Variants in ACOXL observed in about 807,000 individuals in gnomAD.
ACOXL encodes acyl-CoA oxidase like.
In ACOXL, 70 loss-of-function variants were observed where a neutral mutation model predicts 71.9. The observed-to-expected ratio is 0.97, with a 90% CI of 0.80 to 1.19. The LOEUF is 1.19. Among genes scored for constraint, ACOXL ranks in the 50% most tolerant of loss-of-function variants. ACOXL has a pLI of 0.00. For missense variants in ACOXL, 703 were observed against 736.3 expected (o/e 0.95, Z 0.52); for synonymous variants, 253 against 281.6 (o/e 0.90, Z 1.02).
chr2:111,027,407 C>T (rs962630664), intron 14 of ACOXL, among the ~76,000 whole-genome samples: 5 of 151,800 alleles, frequency 3.3e-5, no homozygotes, highest in African/African-American at 1.2e-4. Context: ...CTACAACCTC[C>T]ACCTCCTGTG....
intron 16 of ACOXL, among the ~76,000 whole-genome samples, chr2:111,050,257 G>C (rs2149833314): frequency 6.6e-6 from 1 of 151,132 alleles, no homozygotes; most frequent in Non-Finnish European, 1.5e-5. Context: ...GATATTTTTG[G>C]TCTTTAAAAA....
At chr2:111,006,644 C>T (rs1207070084) in intron 14 of ACOXL, among the ~76,000 whole-genome samples, 2 of 151,926 alleles carry the variant, frequency 1.3e-5, no homozygotes, top group Non-Finnish European at 2.9e-5. Context: ...CTGCAACCTT[C>T]ACCTCCTGGG....
chr2:110,963,746 G>A (rs1220185557), intron 12 of ACOXL: 1 of 1,612,404 alleles, frequency 6.2e-7, no homozygotes. Flanking sequence ...AAGATCAAGA[G>A]TTATCCAGAA....
chr2:110,821,767 A>T (rs1200464240), intron 9 of ACOXL, among the ~76,000 whole-genome samples: 1 of 152,156 alleles, frequency 6.6e-6, no homozygotes, highest in Non-Finnish European at 1.5e-5. Context: ...TTTCTCCCTC[A>T]TTATTTATCC....
intron 2 of ACOXL, among the ~76,000 whole-genome samples, chr2:110,768,728 G>A (rs972875695): frequency 9.2e-5 from 14 of 152,160 alleles, no homozygotes; most frequent in African/African-American, 2.6e-4. Context: ...GTAGGCCGCC[G>A]CGCCTATTGA....
intron 2 of ACOXL, among the ~76,000 whole-genome samples, chr2:110,782,434 A>G (rs1490125353): frequency 6.6e-6 from 1 of 152,258 alleles, no homozygotes; most frequent in Non-Finnish European, 1.5e-5. Context: ...TATTAAGCTT[A>G]TTCTCAGTTC....
At chr2:110,771,735 C>T (rs1681964420) in intron 2 of ACOXL, among the ~76,000 whole-genome samples, 1 of 152,252 alleles carries the variant, frequency 6.6e-6, no homozygotes, top group Non-Finnish European at 1.5e-5. Flanking sequence ...GCCAACTTCT[C>T]CTGCACCTGT....
intron 10 of ACOXL, among the ~76,000 whole-genome samples, chr2:110,884,153 A>G (rs1477521255): frequency 2.6e-5 from 4 of 152,214 alleles, no homozygotes; most frequent in African/African-American, 9.6e-5. Context: ...TCTTATAAGG[A>G]GAAGAAGACC....
chr2:110,941,722 T>A (rs1295146173), intron 12 of ACOXL, among the ~76,000 whole-genome samples: 3 of 152,154 alleles, frequency 2.0e-5, no homozygotes, highest in African/African-American at 7.2e-5. Context: ...CCAACAAAAT[T>A]ATGTTTCAAA....
intron 10 of ACOXL, among the ~76,000 whole-genome samples, chr2:110,898,761 A>G (rs1010197382): frequency 9.9e-5 from 15 of 152,230 alleles, no homozygotes; most frequent in Non-Finnish European, 2.2e-4. Flanking sequence ...AGAAAAGGAA[A>G]TGAAAAGCAT....
intron 12 of ACOXL, among the ~76,000 whole-genome samples, chr2:110,975,497 T>C (rs2062404919): frequency 6.6e-6 from 1 of 152,134 alleles, no homozygotes; most frequent in South Asian, 2.1e-4. Flanking sequence ...AGAGCTTCAA[T>C]GTTCATTTTC....
At chr2:110,831,256 A>G (rs1205018415) in intron 9 of ACOXL, among the ~76,000 whole-genome samples, 3 of 152,230 alleles carry the variant, frequency 2.0e-5, no homozygotes, top group Non-Finnish European at 2.9e-5. Context: ...ACACCCCCAC[A>G]CACTTACCTC....
chr2:110,919,572 ATC>A (rs1238434641), intron 11 of ACOXL, among the ~76,000 whole-genome samples: 27 of 152,238 alleles, frequency 1.8e-4, no homozygotes, highest in African/African-American at 6.5e-4. Flanking sequence ...AAAAATAAAA[ATC>A]ACACTTTGTG....
chr2:111,109,700 A>C (rs1202550316), intron 17 of ACOXL, among the ~76,000 whole-genome samples: 1 of 58,390 alleles, frequency 1.7e-5, no homozygotes, highest in African/African-American at 7.5e-5. Context: ...TTTTTTTGAG[A>C]CAGAGTCTCG....
At position 110,971,397 on chromosome 2, in the gene ACOXL, G is replaced by A. The variant is rs367894745; in HGVS notation, c.1060-15711G>A. 2.8e-4 allele frequency among the ~76,000 whole-genome samples: 43 copies of A among 152,280 alleles called. No individual in the cohort carries two copies. The Middle Eastern group carries it at 0.017, about 60-fold the overall frequency. On this transcript the variant is annotated intron_variant, in intron 12 of 17. Coordinates refer to ENST00000439055, the MANE Select transcript of ACOXL (RefSeq NM_001142807.4). ...AGTAAATGTTTTGTAAAGTGTTACC[G>A]CTGGGAGAAAATGGATAAAGCCTGC...
intron 12 of ACOXL, among the ~76,000 whole-genome samples, chr2:110,967,064 C>T (rs1467185534): frequency 1.3e-5 from 2 of 151,994 alleles, no homozygotes; most frequent in African/African-American, 4.8e-5. Flanking sequence ...GATGCGGATA[C>T]CAAGAAGAAT....
At chr2:110,761,767 T>C (rs1221878871) in intron 1 of ACOXL, among the ~76,000 whole-genome samples, 1 of 152,256 alleles carries the variant, frequency 6.6e-6, no homozygotes, top group Non-Finnish European at 1.5e-5. Context: ...TTCTCTGCTG[T>C]TTGATGGGCT....
At chr2:111,063,528 A>G (rs929182259) in intron 16 of ACOXL, among the ~76,000 whole-genome samples, 2 of 152,188 alleles carry the variant, frequency 1.3e-5, no homozygotes, top group Non-Finnish European at 2.9e-5. Context: ...AAAAAATCAC[A>G]TTATCATTCC....
intron 1 of ACOXL, among the ~76,000 whole-genome samples, chr2:110,767,050 A>G (rs528422159): frequency 2.8e-4 from 43 of 152,128 alleles, no homozygotes; most frequent in Admixed American, 9.8e-4. Context: ...ACTGCAGGAG[A>G]GGAAGATGGG....
Sources: gnomAD v4.1 joint callset for allele counts (sites outside exome capture counted in the v4.1 genomes callset) on GRCh38, gnomAD v4.1.1 for gene constraint, MANE v1.5 for transcripts, NCBI Gene and HGNC (gene_info 2026-07-23, HGNC 2026-07-21) for gene names.